Variants in SLIT3 observed in about 807,000 individuals in gnomAD.
SLIT3 encodes slit homolog 3 protein.
In SLIT3, 68 loss-of-function variants were observed where a neutral mutation model predicts 184.0. That is an observed-to-expected ratio of 0.37 (90% confidence interval 0.30 to 0.45). The LOEUF (loss-of-function observed/expected upper bound fraction) is 0.45. SLIT3 is among the 20% of genes least tolerant of loss of function. The pLI, the probability that SLIT3 is intolerant of heterozygous loss-of-function variation, is 1.00. For synonymous variants in SLIT3, 831 were observed against 828.6 expected (o/e 1.00, Z -0.05); for missense variants, 1,707 against 2,026.0 (o/e 0.84, Z 3.02).
chr5:169,178,940 G>A (rs543433166), intron 4 of SLIT3, among the ~76,000 whole-genome samples: 111 of 152,252 alleles, frequency 7.3e-4, no homozygotes, highest in African/African-American at 2.5e-3. Context: ...TGTGGGTGAC[G>A]GGCCCATGAT....
At chr5:169,148,143 T>C (rs1010912620) in intron 4 of SLIT3, among the ~76,000 whole-genome samples, 5 of 152,134 alleles carry the variant, frequency 3.3e-5, no homozygotes, top group African/African-American at 1.2e-4. Context: ...TCCAGAGTAA[T>C]CCAGGCCTCA....
intron 4 of SLIT3, among the ~76,000 whole-genome samples, chr5:169,109,297 A>T (rs1275006748): frequency 6.6e-6 from 1 of 152,216 alleles, no homozygotes; most frequent in Non-Finnish European, 1.5e-5. Context: ...CTGCTAGGAC[A>T]TGAGGATGGT....
intron 4 of SLIT3, among the ~76,000 whole-genome samples, chr5:168,894,155 C>T (rs1422090001): frequency 6.6e-6 from 1 of 152,036 alleles, no homozygotes; most frequent in Non-Finnish European, 1.5e-5. Context: ...TTGACTTTAT[C>T]AAAAAACCTA....
chr5:168,844,534 T>TAC (rs1476777606), intron 6 of SLIT3, 50 bp downstream of exon 6: 1 of 1,535,042 alleles, frequency 6.5e-7, no homozygotes, highest in Non-Finnish European at 9.0e-7. Flanking sequence ...CACACACACA[T>TAC]ACACACACAT....
chr5:168,905,151 T>A (rs1394930530), intron 4 of SLIT3, among the ~76,000 whole-genome samples: 1 of 151,612 alleles, frequency 6.6e-6, no homozygotes, highest in African/African-American at 2.4e-5. Flanking sequence ...CACTCCAGCC[T>A]GGGGACAGAG....
At chr5:169,258,208 A>T (rs986060362) in intron 1 of SLIT3, among the ~76,000 whole-genome samples, 1 of 152,216 alleles carries the variant, frequency 6.6e-6, no homozygotes, top group Non-Finnish European at 1.5e-5. Flanking sequence ...TGCAAAGGCC[A>T]TAGTTTCACT....
chr5:168,776,712 T>C (rs536613995), intron 12 of SLIT3, among the ~76,000 whole-genome samples: 2 of 152,238 alleles, frequency 1.3e-5, no homozygotes, highest in African/African-American at 2.4e-5. Context: ...TCAGTGTCAC[T>C]GCATTTTGGG....
At chr5:169,258,345 G>A (rs879797013) in intron 1 of SLIT3, among the ~76,000 whole-genome samples, 6 of 152,090 alleles carry the variant, frequency 3.9e-5, no homozygotes, top group East Asian at 1.9e-4. Flanking sequence ...TCCCACTCCC[G>A]TGCCTTGGAG....
At chr5:168,718,911 T>C (rs890510461) in intron 23 of SLIT3, among the ~76,000 whole-genome samples, 5 of 152,208 alleles carry the variant, frequency 3.3e-5, no homozygotes, top group African/African-American at 1.2e-4. Flanking sequence ...ATTAAAAGAA[T>C]GAAACCCCTC....
chr5:169,177,652 T>C (rs987799060), intron 4 of SLIT3, among the ~76,000 whole-genome samples: 4 of 152,206 alleles, frequency 2.6e-5, no homozygotes, highest in African/African-American at 9.7e-5. Context: ...CAAAGGCTCC[T>C]TATAAAGGAG....
chr5:168,662,523 A>C lies in SLIT3; in HGVS notation c.*3931T>G, dbSNP rs932203053. The stretch of plus-strand genomic sequence containing the variant: ...GCCCTTCTTCTCATCTTTTTGAAGC[A>C]TCAGACTTGAGTTCCTTGCTATGAG... On this transcript the variant is annotated 3_prime_UTR_variant, in exon 36 of 36. Transcript: ENST00000519560. 6.6e-6 allele frequency: 1 copy of C among 152,114 alleles called. No homozygotes were observed. Among genetic ancestry groups the C allele is most frequent in the Admixed American group, 6.5e-5 (1 of 15,268 alleles). 9.4% of individuals were successfully genotyped at this position (152,114 alleles called of 1,614,324 possible). A position where few individuals can be genotyped will look rare whatever the true frequency, so the allele number is the denominator to read the frequency against.
intron 18 of SLIT3, 53 bp from the exon 19 acceptor site, chr5:168,749,688 C>T (rs1754631880): frequency 6.3e-7 from 1 of 1,593,258 alleles, no homozygotes. Flanking sequence ...GGGAGCGGCC[C>T]TGGGATCTGC....
At chr5:168,967,585 G>A (rs1410566136) in intron 4 of SLIT3, among the ~76,000 whole-genome samples, 4 of 141,882 alleles carry the variant, frequency 2.8e-5, no homozygotes, top group African/African-American at 7.7e-5. Context: ...GACTACAGGC[G>A]CCCGCCACTA....
intron 4 of SLIT3, chr5:169,013,320 A>G (rs2113462895): frequency 6.6e-6 from 1 of 152,110 alleles, no homozygotes; most frequent in East Asian, 1.9e-4. Flanking sequence ...CCATCCTACC[A>G]TTTCGCAAGC....
intron 10 of SLIT3, among the ~76,000 whole-genome samples, chr5:168,792,758 GC>G (rs560649425): frequency 4.2e-4 from 64 of 152,280 alleles, no homozygotes; most frequent in African/African-American, 1.4e-3. Flanking sequence ...TGTCTCCAGT[GC>G]TTTCTACTGC....
chr5:168,924,011 C>T (rs572788298), intron 4 of SLIT3, among the ~76,000 whole-genome samples: 23 of 152,370 alleles, frequency 1.5e-4, no homozygotes, highest in African/African-American at 5.5e-4. Flanking sequence ...ACTGTCTGGC[C>T]TGCAAAGCCT....
At position 168,702,992 on chromosome 5, in the gene SLIT3, A is replaced by G. The variant is rs997944972; in HGVS notation, c.2845-2313T>C. ...TGGTGGAGGTGGTGGCAACTCCTGCAGCCCTTTACGCCAAGCACAGAAATC... is the reference window on the plus strand; with the variant it reads ...TGGTGGAGGTGGTGGCAACTCCTGCGGCCCTTTACGCCAAGCACAGAAATC... On this transcript the variant is annotated intron_variant, in intron 26 of 35. Coordinates refer to ENST00000519560, the MANE Select transcript of SLIT3 (RefSeq NM_003062.4). Among the ~76,000 whole-genome samples the G allele has an allele frequency of 2.0e-5, 3 of 152,210 alleles. 1 individual carries two copies. Among genetic ancestry groups the G allele is most frequent in the African/African-American group, 7.2e-5 (3 of 41,444 alleles).
chr5:169,063,028 A>G (rs1758229607), intron 4 of SLIT3, among the ~76,000 whole-genome samples: 1 of 152,230 alleles, frequency 6.6e-6, no homozygotes, highest in Non-Finnish European at 1.5e-5. Context: ...ACTGTTTTCG[A>G]AATGTACCTG....
chr5:169,162,075 A>C (rs7722736), intron 4 of SLIT3, among the ~76,000 whole-genome samples: 1 of 152,142 alleles, frequency 6.6e-6, no homozygotes, highest in African/African-American at 2.4e-5. Context: ...CAACTTGTTG[A>C]TGTTATTATG....
Sources: gnomAD v4.1 joint callset for allele counts (sites outside exome capture counted in the v4.1 genomes callset) on GRCh38, gnomAD v4.1.1 for gene constraint, MANE v1.5 for transcripts, NCBI Gene and HGNC (gene_info 2026-07-23, HGNC 2026-07-21) for gene names.